Variants in TRAPPC9 observed in about 807,000 individuals in gnomAD.
TRAPPC9 encodes the protein trafficking protein particle complex subunit 9, also known as IKK2 binding protein.
TRAPPC9 carries 83 observed loss-of-function variants against 124.0 expected under a neutral mutation model. The observed-to-expected ratio is 0.67, with a 90% CI of 0.56 to 0.80. The LOEUF (loss-of-function observed/expected upper bound fraction) is 0.80. Ranked by LOEUF, TRAPPC9 falls within the 30% of genes least tolerant of loss-of-function variation. TRAPPC9 has a pLI of 0.00. For missense variants in TRAPPC9, 1,302 were observed against 1,508.3 expected (o/e 0.86, Z 2.27); for synonymous variants, 638 against 617.5 (o/e 1.03, Z -0.49).
At chr8:139,859,804 G>C (rs1235185263) in intron 21 of TRAPPC9, among the ~76,000 whole-genome samples, 1 of 152,216 alleles carries the variant, frequency 6.6e-6, no homozygotes, top group East Asian at 1.9e-4. Context: ...ACCTGGGTTG[G>C]GGGACAGCAG....
chr8:139,988,711 C>A lies in TRAPPC9; in HGVS notation c.2810+15G>T. 6.5e-7 allele frequency: 1 copy of A among 1,534,828 alleles called. No individual in the cohort carries two copies. The highest frequency in any genetic ancestry group is 1.2e-5 in the South Asian group (1 of 83,704). ...GGGTGGCCTGCGGCGGCGCGAGGGT[C>A]TATGGGACACTTACCGCTGGCACTC... On this transcript the variant is annotated intron_variant, in intron 19 of 22. Coordinates refer to ENST00000438773, the MANE Select transcript of TRAPPC9 (RefSeq NM_001160372.4).
chr8:140,145,518 T>C (rs2061449557), intron 17 of TRAPPC9, among the ~76,000 whole-genome samples: 1 of 152,190 alleles, frequency 6.6e-6, no homozygotes. Context: ...TACTGAATTA[T>C]TCTGTAACAA....
chr8:140,199,027 C>T lies in TRAPPC9; in HGVS notation c.2556+22432G>A, dbSNP rs151337846. Among the ~76,000 whole-genome samples, 818 of 152,286 alleles carry T rather than the reference C, an allele frequency of 5.4e-3. 5 individuals are homozygous for T. Among genetic ancestry groups the T allele is most frequent in the African/African-American group, 0.018 (744 of 41,554 alleles). On this transcript the variant is annotated intron_variant, in intron 17 of 22. Transcript: ENST00000438773. ...CACAGGGCAAGCGGGGAGTGCGGGACTCCTGGGGGGAGCAACAGTGCAGCT... is the reference window on the plus strand; with the variant it reads ...CACAGGGCAAGCGGGGAGTGCGGGATTCCTGGGGGGAGCAACAGTGCAGCT...
intron 21 of TRAPPC9, among the ~76,000 whole-genome samples, chr8:139,867,271 G>T (rs1322224027): frequency 2.0e-5 from 3 of 152,190 alleles, no homozygotes; most frequent in African/African-American, 7.2e-5. Flanking sequence ...ATGCAGACAG[G>T]TCAAGAGACA....
At chr8:140,078,735 C>G (rs929136303) in intron 17 of TRAPPC9, among the ~76,000 whole-genome samples, 5 of 152,136 alleles carry the variant, frequency 3.3e-5, no homozygotes, top group Admixed American at 6.5e-5. Context: ...TGCAGGTACA[C>G]AGGAGCCACA....
intron 17 of TRAPPC9, among the ~76,000 whole-genome samples, chr8:140,036,247 G>C (rs1232467825): frequency 6.6e-6 from 1 of 152,032 alleles, no homozygotes; most frequent in Non-Finnish European, 1.5e-5. Context: ...AGAACACTCT[G>C]GCTGCAACAT....
At chr8:140,331,879 ATGTAAATTAGTAC>A (rs1373890093) in intron 9 of TRAPPC9, among the ~76,000 whole-genome samples, 1 of 152,178 alleles carries the variant, frequency 6.6e-6, no homozygotes, top group Admixed American at 6.5e-5. Flanking sequence ...GTTGATAGGA[ATGTAAATTAGTAC>A]TGTTATGATG....
intron 19 of TRAPPC9, among the ~76,000 whole-genome samples, chr8:139,973,260 G>A (rs1294829090): frequency 6.6e-6 from 1 of 152,214 alleles, no homozygotes; most frequent in African/African-American, 2.4e-5. Context: ...CCTTGGAGGG[G>A]TCAGGCCCCG....
chr8:140,440,319 A>G (rs1488318016), intron 2 of TRAPPC9, among the ~76,000 whole-genome samples: 1 of 152,084 alleles, frequency 6.6e-6, no homozygotes, highest in Non-Finnish European at 1.5e-5. Flanking sequence ...CATCCTGGCT[A>G]ACACGGTGAA....
At chr8:139,895,931 G>T (rs1011308258) in intron 20 of TRAPPC9, among the ~76,000 whole-genome samples, 1 of 152,200 alleles carries the variant, frequency 6.6e-6, no homozygotes, top group Admixed American at 6.5e-5. Flanking sequence ...TAACAGGCCC[G>T]GCCAGGCTGA....
At chr8:139,780,248 C>G (rs925562093) in intron 21 of TRAPPC9, among the ~76,000 whole-genome samples, 1 of 152,088 alleles carries the variant, frequency 6.6e-6, no homozygotes, top group African/African-American at 2.4e-5. Context: ...TGACACTACC[C>G]TATGTTAAGC....
At chr8:140,011,342 GA>G (rs935380283) in intron 18 of TRAPPC9, among the ~76,000 whole-genome samples, 1 of 150,546 alleles carries the variant, frequency 6.6e-6, no homozygotes, top group African/African-American at 2.4e-5. Context: ...GGTCAGTCTC[GA>G]AAAATTTAAA....
At chr8:139,848,767 G>A (rs1827264825) in intron 21 of TRAPPC9, among the ~76,000 whole-genome samples, 1 of 152,180 alleles carries the variant, frequency 6.6e-6, no homozygotes, top group Non-Finnish European at 1.5e-5. Flanking sequence ...ACAAGCCCTT[G>A]TTGTCTTTCT....
At chr8:140,430,528 G>A (rs901449164) in intron 4 of TRAPPC9, among the ~76,000 whole-genome samples, 2 of 152,244 alleles carry the variant, frequency 1.3e-5, no homozygotes, top group African/African-American at 4.8e-5. Context: ...GGCTGACAGG[G>A]AGAGGGCCCC....
intron 19 of TRAPPC9, among the ~76,000 whole-genome samples, chr8:139,978,945 G>A (rs185852617): frequency 3.0e-4 from 45 of 152,178 alleles, no homozygotes; most frequent in Non-Finnish European, 4.9e-4. Flanking sequence ...CTTCATAGAC[G>A]GGCAGAGACA....
At chr8:140,441,291 T>C (rs1396950575) in intron 2 of TRAPPC9, among the ~76,000 whole-genome samples, 1 of 152,014 alleles carries the variant, frequency 6.6e-6, no homozygotes, top group Non-Finnish European at 1.5e-5. Flanking sequence ...CTCTCAAAGG[T>C]AGACAGTGTT....
intron 17 of TRAPPC9, among the ~76,000 whole-genome samples, chr8:140,191,970 G>T (rs2131086820): frequency 6.6e-6 from 1 of 152,340 alleles, no homozygotes; most frequent in South Asian, 2.1e-4. Flanking sequence ...ACCAAAGGGT[G>T]AGAAGCATCA....
chr8:140,193,622 GAAAAAAAAAA>G (rs72383095), intron 17 of TRAPPC9, among the ~76,000 whole-genome samples: 1 of 77,316 alleles, frequency 1.3e-5, no homozygotes, highest in East Asian at 5.0e-4. Flanking sequence ...TGTACTTTCA[GAAAAAAAAAA>G]AAAAAAAAAA....
chr8:139,930,237 C>T (rs2131378998), intron 19 of TRAPPC9, among the ~76,000 whole-genome samples: 2 of 152,324 alleles, frequency 1.3e-5, no homozygotes, highest in African/African-American at 2.4e-5. Context: ...ATGTTTACCC[C>T]TCCATCCCAA....
Sources: allele counts gnomAD v4.1 joint callset (sites outside exome capture counted in the v4.1 genomes callset), GRCh38; gene constraint gnomAD v4.1.1; transcripts MANE v1.5; gene names NCBI Gene and HGNC (gene_info 2026-07-23, HGNC 2026-07-21).